Variants in MAF observed in about 807,000 individuals in gnomAD.
MAF encodes MAF bZIP transcription factor, also known as transcription factor Maf.
Under a neutral mutation model 22.0 loss-of-function variants are expected in MAF, and 10 were observed. That is an observed-to-expected ratio of 0.45 (90% confidence interval 0.28 to 0.77). The LOEUF is 0.77. MAF is among the 30% of genes least tolerant of loss of function. The probability of loss-of-function intolerance (pLI) is 0.12; values close to 1 mark genes in which losing one functional copy is unlikely to be tolerated. For synonymous variants in MAF, 337 were observed against 255.8 expected, an observed-to-expected ratio of 1.32 and a Z score of -3.03; for missense variants, 544 against 548.4, an observed-to-expected ratio of 0.99 and a Z score of 0.08.
At chr16:79,405,592 T>G in the MAF span, among the ~76,000 whole-genome samples, 1 of 152,218 alleles carries the variant, frequency 6.6e-6, no homozygotes, top group Non-Finnish European at 1.5e-5. Flanking sequence ...CAATTCGCCT[T>G]AGTGCAAAAC....
chr16:79,500,707 A>G, the MAF span, among the ~76,000 whole-genome samples: 2 of 152,158 alleles, frequency 1.3e-5, no homozygotes, highest in Admixed American at 6.5e-5. Context: ...GGAAAGGTAC[A>G]CTGCATCAGC....
chr16:79,237,886 T>G, the MAF span, among the ~76,000 whole-genome samples: 2 of 152,124 alleles, frequency 1.3e-5, no homozygotes, highest in African/African-American at 2.4e-5. Context: ...ACCCCTGGTC[T>G]AGCCAGATGC....
chr16:79,210,590 TTAGTGGATGCAGC>T, the MAF span, among the ~76,000 whole-genome samples: 4 of 152,186 alleles, frequency 2.6e-5, no homozygotes, highest in African/African-American at 9.7e-5. Flanking sequence ...CAGCTGAAAA[TTAGTGGATGCAGC>T]TAGGGCTCTG....
the MAF span, among the ~76,000 whole-genome samples, chr16:79,337,338 G>A: frequency 1.2e-4 from 19 of 152,104 alleles, no homozygotes; most frequent in Non-Finnish European, 2.5e-4. Flanking sequence ...TTGCGAGGCC[G>A]AGGCAGGCGG....
At chr16:79,555,547 G>A in the MAF span, among the ~76,000 whole-genome samples, 1 of 152,170 alleles carries the variant, frequency 6.6e-6, no homozygotes, top group African/African-American at 2.4e-5. Context: ...ACAGTGGAAA[G>A]ATACCTGCAA....
chr16:79,337,720 C>A, the MAF span, among the ~76,000 whole-genome samples: 1 of 152,150 alleles, frequency 6.6e-6, no homozygotes, highest in African/African-American at 2.4e-5. Context: ...CATATACACA[C>A]AAGCACACGT....
the MAF span, among the ~76,000 whole-genome samples, chr16:79,545,314 G>A: frequency 1.3e-5 from 2 of 152,110 alleles, no homozygotes; most frequent in Non-Finnish European, 1.5e-5. Flanking sequence ...GTGAAAGGTG[G>A]GGAATGCAGA....
At chr16:79,512,583 C>T in the MAF span, among the ~76,000 whole-genome samples, 1 of 152,164 alleles carries the variant, frequency 6.6e-6, no homozygotes. Flanking sequence ...GAAGAAACCT[C>T]CTTCTGCCCG....
chr16:79,496,805 G>A, the MAF span, among the ~76,000 whole-genome samples: 2 of 152,100 alleles, frequency 1.3e-5, no homozygotes, highest in Non-Finnish European at 2.9e-5. Context: ...CTTCAAATAT[G>A]CAAATTCATC....
chr16:79,341,367 G>A, the MAF span, among the ~76,000 whole-genome samples: 21 of 152,176 alleles, frequency 1.4e-4, no homozygotes, highest in African/African-American at 4.3e-4. Context: ...CCCCCAGCTT[G>A]GTACGGAAGC....
At chr16:79,358,105 T>A in the MAF span, among the ~76,000 whole-genome samples, 1 of 152,178 alleles carries the variant, frequency 6.6e-6, no homozygotes, top group African/African-American at 2.4e-5. Flanking sequence ...TCACGGCACA[T>A]CACAGCCCCT....
At chr16:79,262,111 C>T in the MAF span, among the ~76,000 whole-genome samples, 1 of 152,146 alleles carries the variant, frequency 6.6e-6, no homozygotes, top group Non-Finnish European at 1.5e-5. Context: ...GAGTCCCTTC[C>T]GTGTACCACT....
chr16:79,357,996 G>T, the MAF span, among the ~76,000 whole-genome samples: 1 of 152,192 alleles, frequency 6.6e-6, no homozygotes, highest in African/African-American at 2.4e-5. Flanking sequence ...ACCGTGTGAA[G>T]GTACTTGAAT....
the MAF span, among the ~76,000 whole-genome samples, chr16:79,409,433 C>T: frequency 6.6e-6 from 1 of 152,318 alleles, no homozygotes; most frequent in East Asian, 1.9e-4. Context: ...TCTGAGCCTG[C>T]CAGGTGTTTG....
the MAF span, among the ~76,000 whole-genome samples, chr16:79,388,500 C>T: frequency 0.034 from 5,190 of 152,234 alleles, 301 homozygotes; most frequent in African/African-American, 0.12. Context: ...TATTTTCTTT[C>T]TCTTTTTTCT....
chr16:79,593,677 T>C (rs1039946137), downstream of MAF, among the ~76,000 whole-genome samples: 1 of 152,202 alleles, frequency 6.6e-6, no homozygotes, highest in African/African-American at 2.4e-5. Context: ...TCTGCCTATT[T>C]GATGTCAATA....
the MAF span, among the ~76,000 whole-genome samples, chr16:79,409,290 C>T: frequency 1.3e-5 from 2 of 152,276 alleles, no homozygotes; most frequent in Non-Finnish European, 2.9e-5. Flanking sequence ...GCGATCCAAA[C>T]GTTGGCATGG....
the MAF span, among the ~76,000 whole-genome samples, chr16:79,464,078 A>C: frequency 6.6e-6 from 1 of 152,212 alleles, no homozygotes; most frequent in South Asian, 2.1e-4. Flanking sequence ...AGATGACAGT[A>C]AGAAAGCAGA....
At chr16:79,218,297 A>G in the MAF span, among the ~76,000 whole-genome samples, 4 of 147,024 alleles carry the variant, frequency 2.7e-5, no homozygotes, top group African/African-American at 7.6e-5. Flanking sequence ...GCTACCTCAT[A>G]TATCACATAG....
Sources: gnomAD v4.1 joint callset for allele counts (sites outside exome capture counted in the v4.1 genomes callset) on GRCh38, gnomAD v4.1.1 for gene constraint, MANE v1.5 for transcripts, NCBI Gene and HGNC (gene_info 2026-07-23, HGNC 2026-07-21) for gene names.